The following PCIF1 variants were observed in gnomAD, a reference collection of about 807,000 sequenced individuals.
The protein encoded by PCIF1 is mRNA (2'-O-methyladenosine-N(6)-)-methyltransferase.
In PCIF1, 12 loss-of-function variants were observed where a neutral mutation model predicts 86.9. The observed-to-expected ratio is 0.14, with a 90% CI of 0.09 to 0.22. The LOEUF is 0.22. Ranked by LOEUF, PCIF1 falls within the 10% of genes least tolerant of loss-of-function variation. The probability of loss-of-function intolerance (pLI) is 1.00; values close to 1 mark genes in which losing one functional copy is unlikely to be tolerated. For synonymous variants in PCIF1, 397 were observed against 372.0 expected (o/e 1.07, Z -0.77); for missense variants, 701 against 951.1 (o/e 0.74, Z 3.46).
Position 45,943,406 on chromosome 20 carries a change from G to A in PCIF1, c.888G>A (p.Arg296=), listed in dbSNP as rs2083493475. The part of the protein sequence containing the change: ...RLLFKYAEAA[R]RLIESRSASP... ...TCTTTAAATATGCGGAGGCCGCCAG[G>A]CGGCTCATCGAGTCCAGGTTTGCCT... The change falls in exon 9 of 17, where the codon AGG becomes AGA. Residue 296 remains arginine, a synonymous_variant. Coordinates refer to ENST00000372409, the MANE Select transcript of PCIF1 (RefSeq NM_022104.4). The surrounding 1 kb of genome is among the most constrained non-coding windows in gnomAD (Gnocchi z 5.5). 1 of 1,613,450 alleles carries A rather than the reference G, an allele frequency of 6.2e-7. No individual in the cohort carries two copies. Among genetic ancestry groups the A allele is most frequent in the Non-Finnish European group, 8.5e-7 (1 of 1,179,936 alleles).
chr20:45,937,763 C>T (rs914966711), intron 2 of PCIF1, 178 bp downstream of exon 2: 2 of 394,462 alleles, frequency 5.1e-6, no homozygotes, highest in Non-Finnish European at 8.9e-6. Context: ...CTGTTGCCCC[C>T]TGCATTTTTA....
intron 7 of PCIF1, 137 bp downstream of exon 7, chr20:45,941,344 T>A: frequency 9.8e-7 from 1 of 1,017,388 alleles, no homozygotes; most frequent in Non-Finnish European, 1.4e-6. Flanking sequence ...CCAGCCTGAG[T>A]GACAGAGCAA....
intron 1 of PCIF1, among the ~76,000 whole-genome samples, chr20:45,936,738 C>T (rs1281151307): frequency 6.6e-6 from 1 of 151,970 alleles, no homozygotes; most frequent in Non-Finnish European, 1.5e-5. Context: ...CGAGACCAGC[C>T]TGGCCAACAT....
rs2083509093 is a variant in PCIF1, at chr20:45,944,984, G to T, written c.1122G>T (p.Arg374=). 3 of 1,613,876 alleles carry T rather than the reference G, an allele frequency of 1.9e-6. No individual in the cohort carries two copies. ...ACATCTCCCTGGAGTACGTCAAACG[G>T]ATCCGAGAGAAGCACCTTGCCATCC... is the stretch of plus-strand genomic sequence containing the variant. ...IYHISLEYVK[R]IREKHLAILK... Residue 374 remains arginine (R), a synonymous_variant, in exon 11 of 17, where the codon CGG becomes CGT. Transcript: ENST00000372409.
chr20:45,941,408 A>G (rs1600504485), intron 7 of PCIF1, among the ~76,000 whole-genome samples: 1 of 152,252 alleles, frequency 6.6e-6, no homozygotes, highest in African/African-American at 2.4e-5. Flanking sequence ...TATGATAACC[A>G]TTAAGTAAAA....
intron 1 of PCIF1, among the ~76,000 whole-genome samples, chr20:45,935,012 G>C (rs971009134): frequency 1.3e-5 from 2 of 151,986 alleles, no homozygotes; most frequent in Non-Finnish European, 2.9e-5. Flanking sequence ...CCAGCGGAGC[G>C]GGCTCTAGGG....
rs2083466266 is a variant in PCIF1 at position 45,941,120 on chromosome 20, C to T, written c.586C>T (p.Pro196Ser). 4 of 1,614,098 alleles carry T rather than the reference C, an allele frequency of 2.5e-6. No individual in the cohort carries two copies. Among genetic ancestry groups the T allele is most frequent in the Non-Finnish European group, 3.4e-6 (4 of 1,180,034 alleles). Residue 196 changes from proline (P) to serine (S), a missense_variant, in exon 7 of 17, where the codon CCC becomes TCC. Pro to Ser is a moderately conservative substitution (Grantham distance 74, BLOSUM62 -1). This residue lies in a region of PCIF1 where 129 missense variants were observed against 245.9 expected (regional missense o/e 0.52). Coordinates refer to ENST00000372409, the MANE Select transcript of PCIF1 (RefSeq NM_022104.4). ...GCACCGGGGGCCTTCAGAGGTGCTG[C>T]CCCCGCATCCCGAAGTGGAACTGCT... ...IKHRGPSEVLPPHPEVELLRS... is the reference protein window; with the variant it reads ...IKHRGPSEVLSPHPEVELLRS...
chr20:45,941,245 C>T, intron 7 of PCIF1, 38 bp downstream of exon 7: 2 of 1,557,652 alleles, frequency 1.3e-6, no homozygotes, highest in Non-Finnish European at 1.7e-6. Context: ...TTATTTCCAC[C>T]CACCTTTAGC....
chr20:45,941,843 T>C (rs1267152042), intron 7 of PCIF1, among the ~76,000 whole-genome samples: 2 of 151,968 alleles, frequency 1.3e-5, no homozygotes, highest in Admixed American at 6.5e-5. Context: ...TGCCTTGGCC[T>C]CCCACAGTGC....
Position 45,947,328 on chromosome 20 carries a change from C to T in PCIF1, c.1773C>T (p.Pro591=). ...TGTTCATCCCTGAGTGGCGGGAACCCCCAACACCAGCGCTCACCCGCATGG... is the reference window on the plus strand; with the variant it reads ...TGTTCATCCCTGAGTGGCGGGAACCTCCAACACCAGCGCTCACCCGCATGG... ...FIVFIPEWRE[P]PTPALTRMEQ... Residue 591 remains proline (P), a synonymous_variant, in exon 16 of 17, where the codon CCC becomes CCT. Transcript: ENST00000372409. This position sits in a 1 kb window ranked among gnomAD's most constrained non-coding sequence, Gnocchi z 5.4. 1 of 1,614,026 alleles carries T rather than the reference C, an allele frequency of 6.2e-7. No homozygotes were observed. Among genetic ancestry groups the T allele is most frequent in the Non-Finnish European group, 8.5e-7 (1 of 1,180,012 alleles).
Position 45,941,132 on chromosome 20 carries a change from G to C in PCIF1, c.598G>C (p.Glu200Gln). ...GPSEVLPPHPEVELLRSQLIL... is the reference protein window; with the variant it reads ...GPSEVLPPHPQVELLRSQLIL... ...TTCAGAGGTGCTGCCCCCGCATCCC[G>C]AAGTGGAACTGCTCCGCTCTCAGCT... Residue 200 changes from glutamate (E) to glutamine (Q), a missense_variant, in exon 7 of 17, where the codon GAA (glutamate) becomes CAA (glutamine). Transcript: ENST00000372409. 1 of 1,614,208 alleles carries C rather than the reference G, an allele frequency of 6.2e-7. No individual in the cohort carries two copies. The highest frequency in any genetic ancestry group is 8.5e-7 in the Non-Finnish European group (1 of 1,180,036).
chr20:45,944,753 C>A, intron 10 of PCIF1, 115 bp from the exon 11 acceptor site: 2 of 1,124,196 alleles, frequency 1.8e-6, no homozygotes, highest in Non-Finnish European at 2.5e-6. Context: ...TAGTCAGCAG[C>A]AGAGCTGGTT....
At position 45,943,429 on chromosome 20, in the gene PCIF1, C is replaced by T. The variant is rs776327636; in HGVS notation, c.905+6C>T. On this transcript the variant is annotated splice_donor_region_variant and intron_variant, in intron 9 of 16. Coordinates refer to ENST00000372409, the MANE Select transcript of PCIF1 (RefSeq NM_022104.4). This position sits in a 1 kb window ranked among gnomAD's most constrained non-coding sequence, Gnocchi z 5.5. ...AGGCGGCTCATCGAGTCCAGGTTTG[C>T]CTGTCTTCTGCCCCAGGCGAGATGG... is the stretch of plus-strand genomic sequence containing the variant. 1.9e-6 allele frequency: 3 copies of T among 1,612,020 alleles called. No homozygotes were observed. The highest frequency in any genetic ancestry group is 2.2e-5 in the South Asian group (2 of 91,018).
At position 45,940,336 on chromosome 20, in the gene PCIF1, A is replaced by G. The variant is rs544071490; in HGVS notation, c.250-139A>G. ...CAAGTTGCAGGCAGGACTGGAGCCC[A>G]GTGTTCTCTGCCTGTATCCCAGCTC... On this transcript the variant is annotated intron_variant, in intron 4 of 16. Transcript: ENST00000372409. 3.0e-5 allele frequency: 33 copies of G among 1,099,828 alleles called. No individual in the cohort carries two copies. In the East Asian group the frequency reaches 8.6e-4, roughly 29 times the overall value. 68.1% of individuals were successfully genotyped at this position (1,099,828 alleles called of 1,614,324 possible).
chr20:45,945,014 G>A lies in PCIF1; in HGVS notation c.1152G>A (p.Lys384=). The A allele has an allele frequency of 6.2e-7, 1 of 1,611,900 alleles. No homozygotes were observed. Residue 384 remains lysine (K), a synonymous_variant, in exon 11 of 17, where the codon AAG becomes AAA. Transcript: ENST00000372409. Reference sequence around the variant, plus strand: ...GAGAGAAGCACCTTGCCATCCTCAAGGAAAACAACATCTCAGGTAGGGGAA... The same window carrying A: ...GAGAGAAGCACCTTGCCATCCTCAAAGAAAACAACATCTCAGGTAGGGGAA... The part of the protein sequence containing the change: ...RIREKHLAIL[K]ENNISEEVEA...
intron 11 of PCIF1, among the ~76,000 whole-genome samples, chr20:45,945,270 G>C (rs1025482500): frequency 6.6e-5 from 10 of 152,220 alleles, no homozygotes; most frequent in African/African-American, 2.4e-4. Flanking sequence ...TTCTCTGCAA[G>C]CCTTACTTTC....
At chr20:45,936,813 C>T (rs541390781) in intron 1 of PCIF1, among the ~76,000 whole-genome samples, 3 of 152,214 alleles carry the variant, frequency 2.0e-5, no homozygotes, top group Admixed American at 2.0e-4. Context: ...CCTGTAATCC[C>T]AGCTACTGAG....
rs1306709921 is a variant in PCIF1 at position 45,934,719 on chromosome 20, G to A, written c.-273G>A. The A allele has an allele frequency of 1.8e-5, 7 of 398,738 alleles. No homozygotes were observed. Among genetic ancestry groups the A allele is most frequent in the East Asian group, 1.1e-4 (3 of 28,078 alleles). The allele number at this position is 398,738 out of a possible 1,614,324, so 24.7% of individuals were successfully genotyped here. A position where few individuals can be genotyped will look rare whatever the true frequency, so the allele number is the denominator to read the frequency against. On this transcript the variant is annotated 5_prime_UTR_variant, in exon 1 of 17. Transcript: ENST00000372409. The stretch of plus-strand genomic sequence containing the variant: ...GCCCGGGACACAAGATGGCGGCAGC[G>A]GCGCTGGGGAGGGCGAGGCGGAGGC...
At position 45,935,004 on chromosome 20, in the gene PCIF1, A is replaced by AGC. The variant is rs745894724; in HGVS notation, c.-188+202_-188+203dup. Among the ~76,000 whole-genome samples the AGC allele has an allele frequency of 1.6e-3, 246 of 151,930 alleles. 1 individual carries two copies. The highest frequency in any genetic ancestry group is 1.3e-3 in the Non-Finnish European group (85 of 67,884). On this transcript the variant is annotated intron_variant, in intron 1 of 16. Coordinates refer to ENST00000372409, the MANE Select transcript of PCIF1 (RefSeq NM_022104.4). ...GAGGGAGGTGGGCCCGGAGAGCCCC[A>AGC]GCGGAGCGGGCTCTAGGGCCCCTCC...
Sources: allele counts gnomAD v4.1 joint callset (sites outside exome capture counted in the v4.1 genomes callset), GRCh38; gene constraint gnomAD v4.1.1; regional missense constraint gnomAD v4.1.1; non-coding constraint Gnocchi (gnomAD v3.1); transcripts MANE v1.5; gene names NCBI Gene and HGNC (gene_info 2026-07-23, HGNC 2026-07-21).